Variants in CCDC146 observed in about 807,000 individuals in gnomAD.
The protein encoded by CCDC146 is coiled-coil domain-containing protein 146.
A neutral mutation model predicts 119.3 loss-of-function variants in CCDC146; 92 were observed. The ratio of observed to expected loss-of-function variants is 0.77; its 90% confidence interval spans 0.65 to 0.92. The LOEUF is 0.92. Ranked by LOEUF, CCDC146 falls within the 40% of genes least tolerant of loss-of-function variation. The pLI, the probability that CCDC146 is intolerant of heterozygous loss-of-function variation, is 0.00. For synonymous variants in CCDC146, 372 were observed against 371.8 expected (o/e 1.00, Z -0.01); for missense variants, 1,000 against 1,103.0 (o/e 0.91, Z 1.32).
In CCDC146 at chr7:77,138,094, G is replaced by A. The variant is rs187494584; in HGVS notation, c.-12+15362G>A. On this transcript the variant is annotated intron_variant, in intron 1 of 18. Coordinates refer to ENST00000285871, the MANE Select transcript of CCDC146 (RefSeq NM_020879.3). ...CTCGTATGGTGGAGATAGAGAGGAAGGAAGCTATAAAGCTATAGTAATCAA... is the reference window on the plus strand; with the variant it reads ...CTCGTATGGTGGAGATAGAGAGGAAAGAAGCTATAAAGCTATAGTAATCAA... Among the ~76,000 whole-genome samples the A allele has an allele frequency of 4.5e-3, 685 of 151,874 alleles. 3 individuals are homozygous for A. The highest frequency in any genetic ancestry group is 0.015 in the African/African-American group (639 of 41,370).
chr7:77,182,261 G>C (rs1791601385), intron 2 of CCDC146, among the ~76,000 whole-genome samples: 1 of 152,174 alleles, frequency 6.6e-6, no homozygotes, highest in Admixed American at 6.5e-5. Context: ...CATTGGGTGG[G>C]AGAGTGATTG....
intron 1 of CCDC146, among the ~76,000 whole-genome samples, chr7:77,135,306 G>A (rs1208583124): frequency 1.3e-5 from 2 of 152,042 alleles, no homozygotes; most frequent in South Asian, 2.1e-4. Flanking sequence ...TGGGCAACAT[G>A]GCAAAACCCC....
chr7:77,173,468 A>G (rs569220167), intron 2 of CCDC146, among the ~76,000 whole-genome samples: 1 of 152,050 alleles, frequency 6.6e-6, no homozygotes, highest in African/African-American at 2.4e-5. Flanking sequence ...GTCTCTACTA[A>G]AAATACAAAA....
intron 2 of CCDC146, among the ~76,000 whole-genome samples, chr7:77,228,786 A>G (rs1246834880): frequency 1.3e-5 from 2 of 152,198 alleles, no homozygotes; most frequent in African/African-American, 4.8e-5. Flanking sequence ...GTGTATAAGC[A>G]TTCCTTTTTC....
intron 9 of CCDC146, among the ~76,000 whole-genome samples, chr7:77,267,344 C>T (rs895914300): frequency 2.0e-5 from 3 of 152,112 alleles, no homozygotes; most frequent in African/African-American, 7.2e-5. Flanking sequence ...GATAGAAGCT[C>T]TGTAGTTGAT....
At chr7:77,249,717 AAC>A (rs1452654615) in intron 4 of CCDC146, among the ~76,000 whole-genome samples, 1 of 152,124 alleles carries the variant, frequency 6.6e-6, no homozygotes, top group African/African-American at 2.4e-5. Flanking sequence ...ATTATTGGCA[AAC>A]ACAGCATATA....
intron 2 of CCDC146, among the ~76,000 whole-genome samples, chr7:77,219,934 G>A (rs1792370699): frequency 6.6e-6 from 1 of 152,150 alleles, no homozygotes; most frequent in East Asian, 1.9e-4. Context: ...GGCAGAGAGA[G>A]ATCACAAGTC....
chr7:77,176,312 A>T (rs1215347912), intron 2 of CCDC146, among the ~76,000 whole-genome samples: 1 of 151,230 alleles, frequency 6.6e-6, no homozygotes, highest in African/African-American at 2.5e-5. Flanking sequence ...AGTGATGAAG[A>T]TGTGAAGAGA....
chr7:77,219,911 A>G (rs1277543878), intron 2 of CCDC146, among the ~76,000 whole-genome samples: 5 of 152,296 alleles, frequency 3.3e-5, no homozygotes, highest in Non-Finnish European at 1.5e-5. Context: ...GATTGAGATC[A>G]CAAGGGCAGA....
intron 2 of CCDC146, among the ~76,000 whole-genome samples, chr7:77,214,952 A>C (rs3095473): frequency 0.44 from 66,829 of 151,896 alleles, 17,245 homozygotes; most frequent in African/African-American, 0.72. Context: ...TATTAATAAT[A>C]CTTGCCTGGG....
rs144645852 is a variant in CCDC146 at position 77,231,778 on chromosome 7, G to A, written c.157-5169G>A. On this transcript the variant is annotated intron_variant, in intron 2 of 18. Coordinates refer to ENST00000285871, the MANE Select transcript of CCDC146 (RefSeq NM_020879.3). The stretch of plus-strand genomic sequence containing the variant: ...CTTTGAAGTCTTTGTTAAATCTAAC[G>A]TCTGCATCCTCCCTAAGAAAGTTTC... Among the ~76,000 whole-genome samples, 515 of 149,134 alleles carry A rather than the reference G, an allele frequency of 3.5e-3. 5 individuals are homozygous for A. Among genetic ancestry groups the A allele is most frequent in the African/African-American group, 5.5e-3 (222 of 40,714 alleles).
chr7:77,198,186 T>C, intron 2 of CCDC146: 1 of 985,432 alleles, frequency 1.0e-6, no homozygotes, highest in Non-Finnish European at 1.2e-6. Flanking sequence ...CCAGGAGTAT[T>C]ACCAATAGAG....
At chr7:77,200,240 C>T (rs1042913990) in intron 2 of CCDC146, among the ~76,000 whole-genome samples, 1 of 152,042 alleles carries the variant, frequency 6.6e-6, no homozygotes, top group Non-Finnish European at 1.5e-5. Flanking sequence ...CTTTTTCCTT[C>T]TTAGAATGGG....
chr7:77,241,870 G>GA lies in CCDC146; in HGVS notation c.420dup (p.Glu141ArgfsTer4). ...AATGAATATAATGCAGTGAAGGAAAGAGAGTTCCATAATCAGTACAGATTA... is the reference window on the plus strand; with the variant it reads ...AATGAATATAATGCAGTGAAGGAAAGAAGAGTTCCATAATCAGTACAGATTA... On this transcript the variant is annotated frameshift_variant, in exon 4 of 19. Coordinates refer to ENST00000285871, the MANE Select transcript of CCDC146 (RefSeq NM_020879.3). LOFTEE classifies it high-confidence loss of function. The GA allele has an allele frequency of 6.2e-7, 1 of 1,613,834 alleles. No individual in the cohort carries two copies. The highest frequency in any genetic ancestry group is 8.5e-7 in the Non-Finnish European group (1 of 1,179,798).
chr7:77,238,002 C>T (rs1792770420), intron 3 of CCDC146, among the ~76,000 whole-genome samples: 1 of 152,180 alleles, frequency 6.6e-6, no homozygotes, highest in Non-Finnish European at 1.5e-5. Context: ...CAATCACTTC[C>T]CCTCCTTCTT....
chr7:77,291,379 G>A (rs60254456), intron 17 of CCDC146, among the ~76,000 whole-genome samples: 36,242 of 151,226 alleles, frequency 0.24, 5,136 homozygotes, highest in African/African-American at 0.39. Context: ...TTTTAACTGT[G>A]TTAATGCTAA....
chr7:77,287,647 A>G lies in CCDC146; in HGVS notation c.2415+70A>G, dbSNP rs1793873262. The G allele has an allele frequency of 3.3e-6, 5 of 1,529,550 alleles. No homozygotes were observed. The South Asian group carries it at 4.8e-5, about 15-fold the overall frequency. 94.7% of individuals were successfully genotyped at this position (1,529,550 alleles called of 1,614,324 possible). A position where few individuals can be genotyped will look rare whatever the true frequency, so the allele number is the denominator to read the frequency against. Reference sequence around the variant, plus strand: ...ATTACCTTTTATTTTCCACAGACCGACAGATTTATTGAGAGAAGCACTGGA... The same window carrying G: ...ATTACCTTTTATTTTCCACAGACCGGCAGATTTATTGAGAGAAGCACTGGA... On this transcript the variant is annotated intron_variant, in intron 17 of 18. Coordinates refer to ENST00000285871, the MANE Select transcript of CCDC146 (RefSeq NM_020879.3).
chr7:77,262,012 A>G (rs1186189185), intron 8 of CCDC146, 109 bp from the exon 9 acceptor site: 3 of 863,244 alleles, frequency 3.5e-6, no homozygotes, highest in South Asian at 3.6e-5. Flanking sequence ...GGTCTTTGCC[A>G]GAAGAGATTG....
At chr7:77,188,798 A>G (rs546677304) in intron 2 of CCDC146, among the ~76,000 whole-genome samples, 71 of 152,320 alleles carry the variant, frequency 4.7e-4, no homozygotes, top group African/African-American at 1.7e-3. Flanking sequence ...GCAAATCTAT[A>G]TCTAACGTAA....
Sources: gnomAD v4.1 joint callset for allele counts (sites outside exome capture counted in the v4.1 genomes callset) on GRCh38, gnomAD v4.1.1 for gene constraint, MANE v1.5 for transcripts, NCBI Gene and HGNC (gene_info 2026-07-23, HGNC 2026-07-21) for gene names.